The following ANO3 variants were observed in gnomAD, a reference collection of about 807,000 sequenced individuals.
ANO3 encodes anoctamin 3.
Under a neutral mutation model 144.8 loss-of-function variants are expected in ANO3, and 99 were observed. The observed-to-expected ratio is 0.68, with a 90% confidence interval of 0.58 to 0.81. The LOEUF (loss-of-function observed/expected upper bound fraction) is 0.81. Among genes scored for constraint, ANO3 ranks in the 30% least tolerant of loss-of-function variants. The pLI is 0.00. For synonymous variants in ANO3, 414 were observed against 392.6 expected (o/e 1.05, Z -0.64); for missense variants, 905 against 1,202.2 (o/e 0.75, Z 3.66).
chr11:26,231,007 T>C (rs944440762), intron 1 of ANO3, among the ~76,000 whole-genome samples: 1 of 151,078 alleles, frequency 6.6e-6, no homozygotes, highest in Non-Finnish European at 1.5e-5. Context: ...GCCTCCTGAG[T>C]AGCTGGGATT....
rs537198819 is a variant in ANO3 at position 26,215,306 on chromosome 11, T to C, written c.154+25976T>C. On this transcript the variant is annotated intron_variant, in intron 1 of 27. Transcript: ENST00000672621. ...TTTATATAACTGCTTATTTCTATTG[T>C]TATGGCCACAAAGTATACTTATTTT... 5.3e-5 allele frequency among the ~76,000 whole-genome samples: 8 copies of C among 152,142 alleles called. No homozygotes were observed. In the South Asian group the frequency reaches 1.7e-3, roughly 32 times the overall value.
At position 26,656,156 on chromosome 11, in the gene ANO3, TC is replaced by T. The variant is rs982268435; in HGVS notation, c.2610del (p.Phe871SerfsTer4). 6.2e-7 allele frequency: 1 copy of T among 1,613,654 alleles called. No homozygotes were observed. Among genetic ancestry groups the T allele is most frequent in the African/African-American group, 1.3e-5 (1 of 74,918 alleles). On this transcript the variant is annotated frameshift_variant, in exon 25 of 27. Coordinates refer to ENST00000256737, the MANE Select transcript of ANO3 (RefSeq NM_031418.4). LOFTEE classifies it high-confidence loss of function. ...CLKGYVNNSLSFFDLSELGMG... is the reference protein window; with the variant it reads ...CLKGYVNNSLXFFDLSELGMG... ...GAAGGGATATGTCAACAATAGCCTATCCTTCTTTGACCTGAGTGAGCTTGGT... is the reference window on the plus strand; with the variant it reads ...GAAGGGATATGTCAACAATAGCCTATCTTCTTTGACCTGAGTGAGCTTGGT...
chr11:26,509,439 A>G (rs779501868), intron 5 of ANO3, among the ~76,000 whole-genome samples: 1 of 151,974 alleles, frequency 6.6e-6, no homozygotes, highest in African/African-American at 2.4e-5. Flanking sequence ...CAGCCTCCCA[A>G]GTAGCTGGAA....
intron 1 of ANO3, among the ~76,000 whole-genome samples, chr11:26,384,014 C>T (rs10767522): frequency 0.54 from 80,164 of 148,934 alleles, 22,676 homozygotes; most frequent in East Asian, 0.68. Flanking sequence ...TCTTCTGCCT[C>T]AGCCTCCTGA....
intron 1 of ANO3, among the ~76,000 whole-genome samples, chr11:26,193,188 C>T (rs560729070): frequency 1.5e-5 from 2 of 130,184 alleles, no homozygotes; most frequent in South Asian, 2.4e-4. Flanking sequence ...GTTGCCCAGG[C>T]TGGAGTGCAA....
At position 26,634,192 on chromosome 11, in the gene ANO3, T is replaced by G; in HGVS notation, c.1874-12T>G. The stretch of plus-strand genomic sequence containing the variant: ...ACCTCACCTGTGTCAATGCAACCTG[T>G]GTTCCTTTTAGAATATCCTCGAACA... On this transcript the variant is annotated splice_polypyrimidine_tract_variant and intron_variant, in intron 18 of 26. Coordinates refer to ENST00000256737, the MANE Select transcript of ANO3 (RefSeq NM_031418.4). 1 of 1,590,034 alleles carries G rather than the reference T, an allele frequency of 6.3e-7. No homozygotes were observed. Among genetic ancestry groups the G allele is most frequent in the Non-Finnish European group, 8.6e-7 (1 of 1,158,430 alleles).
intron 22 of ANO3, 129 bp downstream of exon 22, chr11:26,642,158 C>A (rs1365372975): frequency 7.3e-6 from 7 of 964,190 alleles, no homozygotes; most frequent in African/African-American, 3.3e-5. Flanking sequence ...AACACGTCTG[C>A]ACCTTCATCT....
intron 1 of ANO3, among the ~76,000 whole-genome samples, chr11:26,301,693 A>G (rs1854236550): frequency 6.6e-6 from 1 of 152,214 alleles, no homozygotes; most frequent in Non-Finnish European, 1.5e-5. Context: ...AAGTTCAGGT[A>G]AAAGATTCTT....
At chr11:26,360,148 G>GTTTTTTTTTTTTTTTTTT (rs5790574) in intron 1 of ANO3, among the ~76,000 whole-genome samples, 1 of 135,972 alleles carries the variant, frequency 7.4e-6, no homozygotes. Flanking sequence ...CTTTTTATAA[G>GTTTTTTTTTTTTTTTTTT]TTTTTTTTTC....
intron 17 of ANO3, among the ~76,000 whole-genome samples, chr11:26,602,584 T>A (rs989844946): frequency 8.9e-5 from 4 of 44,788 alleles, no homozygotes; most frequent in African/African-American, 2.3e-4. Flanking sequence ...TTTTCTTTTC[T>A]TTTCTTTTTT....
At chr11:26,659,099 CAT>C (rs71047873) in intron 26 of ANO3, among the ~76,000 whole-genome samples, 9,685 of 150,068 alleles carry the variant, frequency 0.065, 327 homozygotes, top group Middle Eastern at 0.12. Flanking sequence ...CACACACACA[CAT>C]ATATATATAC....
intron 1 of ANO3, among the ~76,000 whole-genome samples, chr11:26,231,764 C>A (rs188137704): frequency 6.6e-6 from 1 of 152,110 alleles, no homozygotes; most frequent in Non-Finnish European, 1.5e-5. Flanking sequence ...AATGCGTCTA[C>A]GAATGTAAGA....
chr11:26,430,185 C>G (rs1005028394), intron 1 of ANO3, among the ~76,000 whole-genome samples: 2 of 150,426 alleles, frequency 1.3e-5, no homozygotes, highest in African/African-American at 4.9e-5. Context: ...CACCTGAACC[C>G]AGGAAGCAGA....
At chr11:26,574,858 G>T (rs556482480) in intron 14 of ANO3, among the ~76,000 whole-genome samples, 1 of 152,084 alleles carries the variant, frequency 6.6e-6, no homozygotes, top group Non-Finnish European at 1.5e-5. Flanking sequence ...AATGCCCTTG[G>T]TTAAGCAGAG....
intron 26 of ANO3, among the ~76,000 whole-genome samples, chr11:26,658,225 AT>A (rs1489631063): frequency 6.6e-6 from 1 of 152,150 alleles, no homozygotes; most frequent in Non-Finnish European, 1.5e-5. Context: ...TGTATTAAAT[AT>A]TTTCCCCTTA....
At chr11:26,530,252 G>C (rs912537341) in intron 7 of ANO3, among the ~76,000 whole-genome samples, 3 of 152,158 alleles carry the variant, frequency 2.0e-5, no homozygotes, top group African/African-American at 4.8e-5. Flanking sequence ...TAAATAACTT[G>C]TACAAGTTTA....
intron 1 of ANO3, among the ~76,000 whole-genome samples, chr11:26,315,404 A>C (rs999899534): frequency 3.3e-5 from 5 of 152,334 alleles, no homozygotes; most frequent in Admixed American, 2.0e-4. Context: ...GAAGCTTAGA[A>C]TATCTAATGC....
chr11:26,246,783 T>G (rs1218326918), intron 1 of ANO3, among the ~76,000 whole-genome samples: 1 of 151,910 alleles, frequency 6.6e-6, no homozygotes, highest in Non-Finnish European at 1.5e-5. Flanking sequence ...GTGAATAAGT[T>G]TCATGAGATC....
intron 1 of ANO3, among the ~76,000 whole-genome samples, chr11:26,379,174 G>A (rs750403059): frequency 1.3e-5 from 2 of 152,148 alleles, no homozygotes; most frequent in African/African-American, 4.8e-5. Context: ...AAGGCAAGAT[G>A]AGACTATCAG....
Sources: gnomAD v4.1 joint callset for allele counts (sites outside exome capture counted in the v4.1 genomes callset) on GRCh38, gnomAD v4.1.1 for gene constraint, MANE v1.5 for transcripts, NCBI Gene and HGNC (gene_info 2026-07-23, HGNC 2026-07-21) for gene names.